Variants in OGFOD2 observed in about 807,000 individuals in gnomAD.
The protein encoded by OGFOD2 is 2-oxoglutarate and iron-dependent oxygenase domain-containing protein 2.
In OGFOD2, 34 loss-of-function variants were observed where a neutral mutation model predicts 31.1. The ratio of observed to expected loss-of-function variants is 1.09; its 90% confidence interval spans 0.83 to 1.45. OGFOD2 has a LOEUF of 1.45. Among genes scored for constraint, OGFOD2 ranks in the 40% most tolerant of loss-of-function variants. The probability of loss-of-function intolerance (pLI) is 0.00; values close to 1 mark genes in which losing one functional copy is unlikely to be tolerated. For missense variants in OGFOD2, 537 were observed against 433.9 expected (o/e 1.24, Z -2.11); for synonymous variants, 240 against 192.3 (o/e 1.25, Z -2.05).
chr12:122,977,022 A>G, intron 4 of OGFOD2, 52 bp downstream of exon 4: 11 of 1,551,426 alleles, frequency 7.1e-6, no homozygotes, highest in Non-Finnish European at 9.7e-6. Flanking sequence ...CAGCCTGGGA[A>G]ACCTGGGTGT....
rs770603624 is a variant in OGFOD2 at position 122,976,657 on chromosome 12, G to T, written c.193G>T (p.Glu65Ter). 4.4e-6 allele frequency: 7 copies of T among 1,592,072 alleles called. No individual in the cohort carries two copies. Among genetic ancestry groups the T allele is most frequent in the Non-Finnish European group, 6.0e-6 (7 of 1,160,002 alleles). The change falls in exon 3 of 7, where the codon GAG becomes TAG. Residue 65 changes from glutamate to a stop codon, truncating the protein, a stop_gained. Transcript: ENST00000228922. LOFTEE classifies it high-confidence loss of function. ...TAACAACCCTGTGCCACCCCAGCTTGAGCAGGAGGTGGAGCGGCGGCAGCG... is the reference window on the plus strand; with the variant it reads ...TAACAACCCTGTGCCACCCCAGCTTTAGCAGGAGGTGGAGCGGCGGCAGCG...
At chr12:122,977,580 CCT>C (rs1223700017) in intron 4 of OGFOD2, 2 of 184,016 alleles carry the variant, frequency 1.1e-5, no homozygotes, top group Non-Finnish European at 1.2e-5. Flanking sequence ...ACAGTAACCC[CCT>C]CTCTTAAGGC....
upstream of OGFOD2, chr12:122,975,075 C>CA (rs1474429828): frequency 7.0e-5 from 34 of 483,490 alleles, no homozygotes; most frequent in Admixed American, 3.8e-4. Context: ...CCGCCGGTCC[C>CA]AACCCGGCCC....
At chr12:122,976,597 A>T in intron 2 of OGFOD2, 57 bp from the exon 3 acceptor site, 1 of 1,362,366 alleles carries the variant, frequency 7.3e-7, no homozygotes, top group Middle Eastern at 1.8e-4. Flanking sequence ...CTTCATCTGT[A>T]CAGTGGCCTC....
intron 2 of OGFOD2, chr12:122,976,237 ACCATATACC>A (rs1302833971): frequency 2.8e-6 from 2 of 716,620 alleles, no homozygotes; most frequent in Non-Finnish European, 4.9e-6. Flanking sequence ...CTCACACCTT[ACCATATACC>A]CCGCAGGCTG....
upstream of OGFOD2, chr12:122,975,121 G>T: frequency 3.9e-6 from 2 of 511,392 alleles, no homozygotes; most frequent in Non-Finnish European, 7.1e-6. Flanking sequence ...TTCCTGGCGA[G>T]GTGCGTCTTC....
At chr12:122,978,801 C>T (rs1327053289) in exon 6 of OGFOD2, 27 of 1,612,136 alleles carry the variant, frequency 1.7e-5, no homozygotes, top group East Asian at 2.2e-5. Flanking sequence ...GACACCACTG[C>T]GGGAGCGCTT....
chr12:122,976,380 T>C, intron 2 of OGFOD2: 1 of 1,613,850 alleles, frequency 6.2e-7, no homozygotes, highest in Non-Finnish European at 8.5e-7. Context: ...CTCCTGTCCC[T>C]GTGTGGGCCC....
chr12:122,976,972 T>A lies in OGFOD2; in HGVS notation c.403+2T>A, dbSNP rs1223751936. 8 of 1,612,446 alleles carry A rather than the reference T, an allele frequency of 5.0e-6. No individual in the cohort carries two copies. The South Asian group carries it at 8.8e-5, about 18-fold the overall frequency. On this transcript the variant is annotated splice_donor_variant, in intron 4 of 6. Coordinates refer to ENST00000228922, the Ensembl canonical transcript of OGFOD2. LOFTEE classifies it high-confidence loss of function. ...TCCAGCGGCTGGAGACAGTATCGGG[T>A]GAGGTCCTGGCCCTGAGACCTGGCA...
At chr12:122,977,289 A>G (rs2037463587) in intron 4 of OGFOD2, 2 of 389,828 alleles carry the variant, frequency 5.1e-6, no homozygotes, top group Non-Finnish European at 5.0e-6. Flanking sequence ...TAAAGGGACC[A>G]TTGAGACAGG....
exon 7 of OGFOD2, chr12:122,979,579 G>A (rs2037553858): frequency 3.4e-6 from 2 of 582,874 alleles, no homozygotes; most frequent in Admixed American, 6.2e-5. Context: ...GGGAGCAGCT[G>A]GGCAAGGAAG....
At chr12:122,975,603 G>C in intron 1 of OGFOD2, 1 of 601,616 alleles carries the variant, frequency 1.7e-6, no homozygotes, top group Admixed American at 2.8e-5. Flanking sequence ...AGGGTGCTTA[G>C]GACAGGGCCG....
At position 122,976,465 on chromosome 12, in the gene OGFOD2, C is replaced by A. The variant is rs1233111765; in HGVS notation, c.190-189C>A. 4 of 1,559,652 alleles carry A rather than the reference C, an allele frequency of 2.6e-6. No individual in the cohort carries two copies. In the African/African-American group the frequency reaches 5.4e-5, roughly 21 times the overall value. On this transcript the variant is annotated intron_variant, in intron 2 of 6. Transcript: ENST00000228922. ...GGGGCAGCCTGAAACAGGATGGGTC[C>A]CCTTCTAGAAGTCCCTTTCAGCTAA... is the stretch of plus-strand genomic sequence containing the variant.
chr12:122,976,207 G>A (rs1304903130), intron 2 of OGFOD2: 2 of 611,636 alleles, frequency 3.3e-6, no homozygotes, highest in East Asian at 5.5e-5. Context: ...CCCAGCCACA[G>A]CTTCCAGGCC....
upstream of OGFOD2, chr12:122,974,989 C>A (rs1172923511): frequency 2.9e-6 from 1 of 349,778 alleles, no homozygotes; most frequent in Non-Finnish European, 5.2e-6. Flanking sequence ...AAGGCACGAC[C>A]CAGTTCAGCT....
At position 122,976,676 on chromosome 12, in the gene OGFOD2, G is replaced by A. The variant is rs200734782; in HGVS notation, c.212G>A (p.Arg71Gln). 1,015 of 1,611,864 alleles carry A rather than the reference G, an allele frequency of 6.3e-4. 1 individual carries two copies. The highest frequency in any genetic ancestry group is 7.4e-4 in the Non-Finnish European group (873 of 1,178,384). The change falls in exon 3 of 7, where the codon CGG becomes CAG. Residue 71 changes from arginine to glutamine, a missense_variant. Transcript: ENST00000228922. ...CAGCTTGAGCAGGAGGTGGAGCGGC[G>A]GCAGCGGCTGGGGCAGGAGTCAGCA...
chr12:122,978,341 C>A, intron 4 of OGFOD2, 101 bp from the exon 5 acceptor site: 1 of 1,446,422 alleles, frequency 6.9e-7, no homozygotes, highest in South Asian at 1.3e-5. Context: ...AAAGCAAAGG[C>A]CTCATCTCCA....
intron 2 of OGFOD2, chr12:122,976,335 G>A: frequency 1.2e-6 from 2 of 1,607,584 alleles, no homozygotes; most frequent in South Asian, 1.1e-5. Context: ...AGAGTCCTCA[G>A]CAACCTCTGG....
At chr12:122,976,428 T>G (rs778658239) in intron 2 of OGFOD2, 207 of 1,612,408 alleles carry the variant, frequency 1.3e-4, no homozygotes, top group Middle Eastern at 1.6e-4. Flanking sequence ...TCATCCCAGC[T>G]AGGCTCAGGT....
Sources: allele counts gnomAD v4.1 joint callset, GRCh38; gene constraint gnomAD v4.1.1; transcripts MANE v1.5; gene names NCBI Gene and HGNC (gene_info 2026-07-23, HGNC 2026-07-21).